MLLT1: variants seen among roughly 807,000 people sequenced by gnomAD.
MLLT1 encodes protein ENL.
Under a neutral mutation model 55.1 loss-of-function variants are expected in MLLT1, and 11 were observed. That is an observed-to-expected ratio of 0.20 (90% CI 0.13 to 0.33). The LOEUF is 0.33. Ranked by LOEUF, MLLT1 falls within the 10% of genes least tolerant of loss-of-function variation. MLLT1 has a pLI of 1.00. For missense variants in MLLT1, 536 were observed against 760.6 expected (o/e 0.70, Z 3.47); for synonymous variants, 323 against 320.1 (o/e 1.01, Z -0.10).
At chr19:6,241,334 C>T (rs2091111181) in intron 3 of MLLT1, among the ~76,000 whole-genome samples, 1 of 152,254 alleles carries the variant, frequency 6.6e-6, no homozygotes, top group South Asian at 2.1e-4. Context: ...GGGCGCCAGG[C>T]CCCTAGCACC....
rs1224917620 is a variant in MLLT1, at chr19:6,229,838, T to G, written c.420+732A>C. Among the ~76,000 whole-genome samples the G allele has an allele frequency of 6.7e-6, 1 of 148,756 alleles. No homozygotes were observed. Among genetic ancestry groups the G allele is most frequent in the African/African-American group, 2.5e-5 (1 of 40,064 alleles). ...AGACACATGCCACACACAACACACG[T>G]ACATACACATGACACACCACACACC... On this transcript the variant is annotated intron_variant, in intron 4 of 11. Transcript: ENST00000252674. This position sits in a 1 kb window ranked among gnomAD's most constrained non-coding sequence, Gnocchi z 5.2.
At chr19:6,269,321 C>T (rs2091375209) in intron 2 of MLLT1, among the ~76,000 whole-genome samples, 1 of 152,228 alleles carries the variant, frequency 6.6e-6, no homozygotes, top group South Asian at 2.1e-4. Flanking sequence ...AAAACGCGAT[C>T]CTGCGCACGA....
intron 3 of MLLT1, among the ~76,000 whole-genome samples, chr19:6,251,383 C>A (rs533095939): frequency 6.6e-6 from 1 of 152,196 alleles, no homozygotes; most frequent in Non-Finnish European, 1.5e-5. Flanking sequence ...TCTGGTTCAT[C>A]CATTTAGTAT....
intron 3 of MLLT1, among the ~76,000 whole-genome samples, chr19:6,234,667 G>A (rs904635826): frequency 5.3e-5 from 8 of 152,022 alleles, no homozygotes; most frequent in Admixed American, 2.6e-4. Context: ...CCCAAGACAC[G>A]GACACACGAG....
Position 6,230,681 on chromosome 19 carries a change from G to A in MLLT1, c.309C>T (p.Asp103=), listed in dbSNP as rs2233188. The A allele has an allele frequency of 0.015, 24,148 of 1,614,006 alleles. 1,326 individuals carry two copies. The highest frequency in any genetic ancestry group is 0.15 in the East Asian group (6,630 of 44,868). ...EEPRKVCFTY[D]LFLNLEGNPP... ...GGTTGCCTTCCAGGTTCAGGAACAG[G>A]TCGTAGGTGAAGCAGACCTTCCTCG... is the stretch of plus-strand genomic sequence containing the variant. The change falls in exon 4 of 12, where the codon GAC becomes GAT. Residue 103 remains aspartate, a synonymous_variant. Coordinates refer to ENST00000252674, the MANE Select transcript of MLLT1 (RefSeq NM_005934.4). The surrounding 1 kb of genome is among the most constrained non-coding windows in gnomAD (Gnocchi z 9.0).
Position 6,228,330 on chromosome 19 carries a change from A to G in MLLT1, c.421-1228T>C, listed in dbSNP as rs79778528. On this transcript the variant is annotated intron_variant, in intron 4 of 11. Coordinates refer to ENST00000252674, the MANE Select transcript of MLLT1 (RefSeq NM_005934.4). Reference sequence around the variant, plus strand: ...TGGTAATTTACCTTCTTTCCCCTCAAAACAATGCCCTAGACTGACTGTTTC... The same window carrying G: ...TGGTAATTTACCTTCTTTCCCCTCAGAACAATGCCCTAGACTGACTGTTTC... Among the ~76,000 whole-genome samples, 558 of 152,268 alleles carry G rather than the reference A, an allele frequency of 3.7e-3. 2 individuals are homozygous for G. The highest frequency in any genetic ancestry group is 0.013 in the African/African-American group (524 of 41,558).
At chr19:6,213,602 C>A in intron 10 of MLLT1, 124 bp downstream of exon 10, 1 of 1,080,336 alleles carries the variant, frequency 9.3e-7, no homozygotes, top group South Asian at 1.4e-5. Context: ...AAGGACTGTC[C>A]CTGCTCCTGC....
rs562916202 is a variant in MLLT1 at position 6,218,280 on chromosome 19, CGGT to C, written c.1111-242_1111-240del. Among the ~76,000 whole-genome samples the C allele has an allele frequency of 4.6e-5, 7 of 152,340 alleles. No individual in the cohort carries two copies. The South Asian group carries it at 1.4e-3, about 32-fold the overall frequency. ...GGACACCCGTGGATGTCTGGGTTTC[CGGT>C]AGCGCCAGGAGACCGTGTGGACCAC... On this transcript the variant is annotated intron_variant, in intron 6 of 11. Coordinates refer to ENST00000252674, the MANE Select transcript of MLLT1 (RefSeq NM_005934.4).
chr19:6,279,305 G>A (rs1256120245), intron 1 of MLLT1, among the ~76,000 whole-genome samples: 1 of 152,148 alleles, frequency 6.6e-6, no homozygotes, highest in Non-Finnish European at 1.5e-5. Flanking sequence ...ACCTAGAGAC[G>A]GAAAGGTCTA....
chr19:6,268,657 T>G (rs561792936), intron 2 of MLLT1, among the ~76,000 whole-genome samples: 78 of 152,116 alleles, frequency 5.1e-4, no homozygotes, highest in African/African-American at 1.8e-3. Flanking sequence ...GAGCTGGAAA[T>G]TTACTTTCTG....
At position 6,262,171 on chromosome 19, in the gene MLLT1, C is replaced by A; in HGVS notation, c.276+57G>T. ...GCCTGTTTTGTGAACTGCCGTGGCA[C>A]CCGGAGCAGGGGTCCCCACAGAGAG... On this transcript the variant is annotated intron_variant, in intron 3 of 11. Transcript: ENST00000252674. This position sits in a 1 kb window ranked among gnomAD's most constrained non-coding sequence, Gnocchi z 4.4. 7.1e-7 allele frequency: 1 copy of A among 1,412,432 alleles called. No homozygotes were observed. The highest frequency in any genetic ancestry group is 1.0e-6 in the Non-Finnish European group (1 of 998,232). The allele number at this position is 1,412,432 out of a possible 1,614,324, so 87.5% of individuals were successfully genotyped here. A position where few individuals can be genotyped will look rare whatever the true frequency, so the allele number is the denominator to read the frequency against.
chr19:6,221,521 A>C (rs924858308), intron 6 of MLLT1, among the ~76,000 whole-genome samples: 2 of 152,172 alleles, frequency 1.3e-5, no homozygotes, highest in Non-Finnish European at 2.9e-5. Context: ...AAGCTCAGAC[A>C]CTGGTGGGGC....
intron 3 of MLLT1, among the ~76,000 whole-genome samples, chr19:6,249,129 A>G (rs910275052): frequency 6.6e-6 from 1 of 152,174 alleles, no homozygotes; most frequent in African/African-American, 2.4e-5. Flanking sequence ...TAATAAACAG[A>G]CTGAATTTCA....
At chr19:6,228,885 G>GGC (rs904842049) in intron 4 of MLLT1, among the ~76,000 whole-genome samples, 3 of 152,130 alleles carry the variant, frequency 2.0e-5, no homozygotes, top group Non-Finnish European at 4.4e-5. Context: ...GACCCCCCAC[G>GGC]GCGCCTGCTT....
At position 6,212,245 on chromosome 19, in the gene MLLT1, T is replaced by C. The variant is rs2090781600; in HGVS notation, c.*797A>G. ...TGAGGACTCGCTGCCCTTTGTAGTG[T>C]TGGCTGACCCCCCCGGGAGCCCCGG... On this transcript the variant is annotated 3_prime_UTR_variant, in exon 12 of 12. Coordinates refer to ENST00000252674, the MANE Select transcript of MLLT1 (RefSeq NM_005934.4). 1 of 1,065,284 alleles carries C rather than the reference T, an allele frequency of 9.4e-7. No homozygotes were observed. The highest frequency in any genetic ancestry group is 5.0e-5 in the East Asian group (1 of 20,088). 66.0% of individuals were successfully genotyped at this position (1,065,284 alleles called of 1,614,324 possible).
rs960853157 is a variant in MLLT1 at position 6,256,262 on chromosome 19, C to G, written c.276+5966G>C. ...ATAAATAAATAAATAAATAAAAAGACCAGCCTGGGCAACACAATGGGACCC... is the reference window on the plus strand; with the variant it reads ...ATAAATAAATAAATAAATAAAAAGAGCAGCCTGGGCAACACAATGGGACCC... On this transcript the variant is annotated intron_variant, in intron 3 of 11. Transcript: ENST00000252674. The surrounding 1 kb of genome is among the most constrained non-coding windows in gnomAD (Gnocchi z 4.1). 8.1e-6 allele frequency among the ~76,000 whole-genome samples: 1 copy of G among 123,882 alleles called. No homozygotes were observed. Among genetic ancestry groups the G allele is most frequent in the African/African-American group, 3.5e-5 (1 of 28,512 alleles). The allele number at this position is 123,882 out of a possible 152,430, so 81.3% of individuals were successfully genotyped here. A position where few individuals can be genotyped will look rare whatever the true frequency, so the allele number is the denominator to read the frequency against.
rs765266354 is a variant in MLLT1 at position 6,213,072 on chromosome 19, C to T, written c.1650G>A (p.Leu550=). Residue 550 remains leucine, a synonymous_variant, in exon 12 of 12, where the codon CTG becomes CTA. Coordinates refer to ENST00000252674, the MANE Select transcript of MLLT1 (RefSeq NM_005934.4). ...FSLDETTVRK[L]QSCLEAVAT is the part of the protein sequence containing the mutation. ...TGGCCACGGCCTCCAGGCAGCTCTGCAGTTTGCGCACGGTGGTCTCGTCCA... is the reference window on the plus strand; with the variant it reads ...TGGCCACGGCCTCCAGGCAGCTCTGTAGTTTGCGCACGGTGGTCTCGTCCA... 5 of 1,613,846 alleles carry T rather than the reference C, an allele frequency of 3.1e-6. No individual in the cohort carries two copies. The East Asian group carries it at 8.9e-5, about 29-fold the overall frequency.
intron 2 of MLLT1, among the ~76,000 whole-genome samples, chr19:6,268,148 G>A (rs537917768): frequency 1.9e-4 from 29 of 152,316 alleles, no homozygotes; most frequent in Non-Finnish European, 3.5e-4. Flanking sequence ...CAACGAAACC[G>A]CGATTGAGCC....
At position 6,262,060 on chromosome 19, in the gene MLLT1, C is replaced by T. The variant is rs2233184; in HGVS notation, c.276+168G>A. Among the ~76,000 whole-genome samples, 1,478 of 152,274 alleles carry T rather than the reference C, an allele frequency of 9.7e-3. 21 individuals are homozygous for T. Among genetic ancestry groups the T allele is most frequent in the African/African-American group, 0.028 (1,157 of 41,536 alleles). ...ATGAAACCAGCCGTGTCCTGGCCCC[C>T]GACGTCCCCAGGAATGGAGATGGTG... On this transcript the variant is annotated intron_variant, in intron 3 of 11. Transcript: ENST00000252674. This position sits in a 1 kb window ranked among gnomAD's most constrained non-coding sequence, Gnocchi z 4.4.
Sources: gnomAD v4.1 joint callset for allele counts (sites outside exome capture counted in the v4.1 genomes callset) on GRCh38, gnomAD v4.1.1 for gene constraint, Gnocchi (gnomAD v3.1) non-coding constraint, MANE v1.5 for transcripts, NCBI Gene and HGNC (gene_info 2026-07-23, HGNC 2026-07-21) for gene names.